The following RABGAP1L variants were observed in gnomAD, a reference collection of about 807,000 sequenced individuals.
RABGAP1L encodes the protein RAB GTPase activating protein 1 like.
A neutral mutation model predicts 137.7 loss-of-function variants in RABGAP1L; 63 were observed. That is an observed-to-expected ratio of 0.46 (90% confidence interval 0.37 to 0.56). RABGAP1L has a LOEUF of 0.56. Ranked by LOEUF, RABGAP1L falls within the 20% of genes least tolerant of loss-of-function variation. RABGAP1L has a pLI of 0.00. For synonymous variants in RABGAP1L, 431 were observed against 433.7 expected (o/e 0.99, Z 0.08); for missense variants, 1,095 against 1,244.0 (o/e 0.88, Z 1.80).
intron 18 of RABGAP1L, among the ~76,000 whole-genome samples, chr1:174,762,838 A>T (rs1345683120): frequency 3.4e-5 from 4 of 118,880 alleles, no homozygotes; most frequent in African/African-American, 3.3e-5. Flanking sequence ...TTTTTAAGAT[A>T]GATTCTAGCT....
chr1:174,648,897 A>G (rs1675215688), intron 14 of RABGAP1L, among the ~76,000 whole-genome samples: 1 of 152,130 alleles, frequency 6.6e-6, no homozygotes, highest in Non-Finnish European at 1.5e-5. Context: ...TGTTGGGTGC[A>G]TATATATTTA....
intron 1 of RABGAP1L, among the ~76,000 whole-genome samples, chr1:174,169,276 G>A (rs1557997823): frequency 6.6e-6 from 1 of 151,850 alleles, no homozygotes; most frequent in Non-Finnish European, 1.5e-5. Flanking sequence ...CTGGAGTGCA[G>A]TGGCATGATC....
At chr1:174,687,776 C>A (rs1678589109) in intron 15 of RABGAP1L, among the ~76,000 whole-genome samples, 3 of 152,172 alleles carry the variant, frequency 2.0e-5, no homozygotes, top group Admixed American at 2.0e-4. Context: ...AGCCTGCTTC[C>A]TTTTGGGTTC....
chr1:174,870,829 C>T (rs1652063454), intron 19 of RABGAP1L, among the ~76,000 whole-genome samples: 2 of 151,074 alleles, frequency 1.3e-5, no homozygotes, highest in African/African-American at 4.9e-5. Context: ...GCTCCACCTT[C>T]CAGGCTCACG....
Position 174,163,768 on chromosome 1 carries a change from G to GT in RABGAP1L, c.-34+4122dup, listed in dbSNP as rs76547958. 9.1e-3 allele frequency among the ~76,000 whole-genome samples: 1,335 copies of GT among 145,942 alleles called. 6 individuals are homozygous for GT. Among genetic ancestry groups the GT allele is most frequent in the Middle Eastern group, 0.018 (5 of 282 alleles). On this transcript the variant is annotated intron_variant, in intron 1 of 25. Coordinates refer to ENST00000681986, the MANE Select transcript of RABGAP1L (RefSeq NM_001366446.1). ...GCTTAAATAAGAGGAAAATAAGACA[G>GT]TTTTTTTTTTTAATAAAAGGCTGAT... is the stretch of plus-strand genomic sequence containing the variant.
chr1:174,339,356 A>G (rs1681762733), intron 11 of RABGAP1L, among the ~76,000 whole-genome samples: 1 of 152,194 alleles, frequency 6.6e-6, no homozygotes, highest in South Asian at 2.1e-4. Flanking sequence ...TTCATTATAC[A>G]GGTGTGATGG....
At chr1:174,854,159 G>T (rs1295122047) in intron 19 of RABGAP1L, among the ~76,000 whole-genome samples, 2 of 152,188 alleles carry the variant, frequency 1.3e-5, no homozygotes, top group Non-Finnish European at 2.9e-5. Context: ...GGACAGTATT[G>T]CAAATAGGTG....
chr1:174,858,043 G>A (rs1044732050), intron 19 of RABGAP1L, among the ~76,000 whole-genome samples: 1 of 151,634 alleles, frequency 6.6e-6, no homozygotes. Context: ...GTATTTTTAG[G>A]CAGGGTCTCA....
chr1:174,486,988 C>T (rs1037684389), intron 13 of RABGAP1L, among the ~76,000 whole-genome samples: 1 of 152,074 alleles, frequency 6.6e-6, no homozygotes, highest in African/African-American at 2.4e-5. Context: ...TGGTTAGACA[C>T]TTGATATTTT....
At chr1:174,795,830 C>T (rs1279286979) in intron 18 of RABGAP1L, among the ~76,000 whole-genome samples, 3 of 152,208 alleles carry the variant, frequency 2.0e-5, no homozygotes, top group Non-Finnish European at 4.4e-5. Context: ...CCTGCCTTGG[C>T]GTCCCAAAGT....
chr1:174,378,004 C>T (rs1685725299), intron 12 of RABGAP1L, among the ~76,000 whole-genome samples: 1 of 135,336 alleles, frequency 7.4e-6, no homozygotes, highest in Admixed American at 7.5e-5. Flanking sequence ...TCTCATTGTT[C>T]AATTCTCACC....
chr1:174,952,339 CAAAAAAA>C (rs59406597), intron 19 of RABGAP1L, among the ~76,000 whole-genome samples: 1 of 31,724 alleles, frequency 3.2e-5, no homozygotes, highest in Non-Finnish European at 5.4e-5. Context: ...CTGGCTCTAC[CAAAAAAA>C]AAAAAAAAAA....
chr1:174,563,286 G>T (rs1345311954), intron 13 of RABGAP1L, among the ~76,000 whole-genome samples: 1 of 152,140 alleles, frequency 6.6e-6, no homozygotes, highest in Non-Finnish European at 1.5e-5. Flanking sequence ...GATGAAAAAA[G>T]ATTTCAATTT....
At chr1:174,772,871 A>T (rs1686233909) in intron 18 of RABGAP1L, among the ~76,000 whole-genome samples, 1 of 152,182 alleles carries the variant, frequency 6.6e-6, no homozygotes, top group Non-Finnish European at 1.5e-5. Context: ...CACTTAGCAT[A>T]GTGTATGACC....
intron 12 of RABGAP1L, among the ~76,000 whole-genome samples, chr1:174,383,165 G>C (rs531091065): frequency 6.6e-6 from 1 of 150,718 alleles, no homozygotes; most frequent in Admixed American, 6.6e-5. Flanking sequence ...CTCCAGCTGC[G>C]TGCTGGGAGA....
At chr1:174,359,082 A>G (rs1339375240) in intron 11 of RABGAP1L, among the ~76,000 whole-genome samples, 1 of 151,816 alleles carries the variant, frequency 6.6e-6, no homozygotes, top group African/African-American at 2.4e-5. Context: ...TGTCCTCCCT[A>G]TTTTTTTCTA....
At chr1:174,657,455 A>T (rs1676046023) in intron 14 of RABGAP1L, among the ~76,000 whole-genome samples, 1 of 152,012 alleles carries the variant, frequency 6.6e-6, no homozygotes, top group Non-Finnish European at 1.5e-5. Context: ...CTTCTATGAG[A>T]TCAACTTTTT....
intron 11 of RABGAP1L, among the ~76,000 whole-genome samples, chr1:174,346,121 T>A (rs1682407623): frequency 6.6e-6 from 1 of 152,200 alleles, no homozygotes; most frequent in South Asian, 2.1e-4. Flanking sequence ...ATGATCTTTT[T>A]AATGTGTTGC....
At chr1:174,361,812 A>G (rs1488881743) in intron 11 of RABGAP1L, among the ~76,000 whole-genome samples, 2 of 152,132 alleles carry the variant, frequency 1.3e-5, no homozygotes, top group African/African-American at 2.4e-5. Context: ...GTTCTGTGGT[A>G]CATGTGCAGA....
Sources: gnomAD v4.1 joint callset for allele counts (sites outside exome capture counted in the v4.1 genomes callset) on GRCh38, gnomAD v4.1.1 for gene constraint, MANE v1.5 for transcripts, NCBI Gene and HGNC (gene_info 2026-07-23, HGNC 2026-07-21) for gene names.